NKAIN3: variants seen among roughly 807,000 people sequenced by gnomAD.
NKAIN3 encodes sodium/potassium transporting ATPase interacting 3, also known as sodium/potassium-transporting ATPase subunit beta-1-interacting protein 3.
In NKAIN3, 25 loss-of-function variants were observed where a neutral mutation model predicts 30.2. The observed-to-expected ratio is 0.83, with a 90% CI of 0.60 to 1.16. NKAIN3 has a LOEUF of 1.16. Among genes scored for constraint, NKAIN3 ranks in the 50% most tolerant of loss-of-function variants. NKAIN3 has a pLI of 0.00. For synonymous variants in NKAIN3, 91 were observed against 89.6 expected (o/e 1.02, Z -0.09); for missense variants, 225 against 254.1 (o/e 0.89, Z 0.78).
chr8:62,430,270 C>G (rs1804950587), intron 1 of NKAIN3, among the ~76,000 whole-genome samples: 1 of 151,100 alleles, frequency 6.6e-6, no homozygotes, highest in Non-Finnish European at 1.5e-5. Context: ...ACTTGGGTTG[C>G]TTTCATATTG....
At chr8:62,373,442 T>C (rs1168223234) in intron 1 of NKAIN3, among the ~76,000 whole-genome samples, 1 of 152,210 alleles carries the variant, frequency 6.6e-6, no homozygotes, top group African/African-American at 2.4e-5. Context: ...CCAATATTTT[T>C]GGATACCTTT....
At chr8:62,964,749 G>A (rs972758799) in intron 6 of NKAIN3, among the ~76,000 whole-genome samples, 10 of 151,892 alleles carry the variant, frequency 6.6e-5, no homozygotes, top group Non-Finnish European at 1.5e-4. Context: ...CATTACAGAC[G>A]GCAATCTGCT....
chr8:62,479,861 TC>T (rs1478805904), intron 1 of NKAIN3, among the ~76,000 whole-genome samples: 2 of 151,940 alleles, frequency 1.3e-5, no homozygotes, highest in African/African-American at 4.8e-5. Flanking sequence ...ATATTTCTGC[TC>T]CCCGCCTTTC....
chr8:62,564,751 A>C (rs1809696456), intron 1 of NKAIN3, among the ~76,000 whole-genome samples: 1 of 152,208 alleles, frequency 6.6e-6, no homozygotes. Context: ...TTCAGTATGT[A>C]TGTGGTAGAA....
intron 3 of NKAIN3, among the ~76,000 whole-genome samples, chr8:62,636,177 G>A (rs1678233007): frequency 6.6e-6 from 1 of 152,146 alleles, no homozygotes; most frequent in African/African-American, 2.4e-5. Context: ...CTTTGAGAAG[G>A]CCAAGTTTCC....
At chr8:62,422,673 C>T (rs62509258) in intron 1 of NKAIN3, among the ~76,000 whole-genome samples, 21,040 of 151,942 alleles carry the variant, frequency 0.14, 1,749 homozygotes, top group East Asian at 0.41. Flanking sequence ...CAAGACAGGG[C>T]TTTCACTAGC....
At chr8:62,722,793 G>A (rs1176298828) in intron 3 of NKAIN3, among the ~76,000 whole-genome samples, 1 of 152,116 alleles carries the variant, frequency 6.6e-6, no homozygotes, top group Non-Finnish European at 1.5e-5. Flanking sequence ...GACTCTAATG[G>A]AGAGTCAGGC....
At chr8:62,628,326 T>C (rs1811850630) in intron 3 of NKAIN3, among the ~76,000 whole-genome samples, 2 of 152,156 alleles carry the variant, frequency 1.3e-5, no homozygotes, top group Non-Finnish European at 1.5e-5. Context: ...CACAACAAAA[T>C]GCATTATTGA....
intron 4 of NKAIN3, among the ~76,000 whole-genome samples, chr8:62,820,539 T>C (rs998633073): frequency 6.6e-6 from 1 of 152,144 alleles, no homozygotes; most frequent in South Asian, 2.1e-4. Context: ...TGAAGCTCTA[T>C]AGGACAACCA....
intron 4 of NKAIN3, among the ~76,000 whole-genome samples, chr8:62,805,414 A>T (rs935838868): frequency 2.0e-5 from 3 of 152,122 alleles, no homozygotes; most frequent in African/African-American, 7.2e-5. Flanking sequence ...CTACAAGGCT[A>T]CAGTAACCAA....
intron 3 of NKAIN3, among the ~76,000 whole-genome samples, chr8:62,714,570 A>G (rs1814827449): frequency 6.6e-6 from 1 of 152,218 alleles, no homozygotes; most frequent in African/African-American, 2.4e-5. Flanking sequence ...TTTATAGATT[A>G]GAAAAATACC....
At chr8:62,494,708 GAATC>G (rs1033461034) in intron 1 of NKAIN3, among the ~76,000 whole-genome samples, 4 of 151,956 alleles carry the variant, frequency 2.6e-5, no homozygotes, top group Admixed American at 2.6e-4. Context: ...TTGGTTCAGG[GAATC>G]AATTTCGTTC....
At chr8:62,327,330 ATTTG>A (rs1164899141) in intron 1 of NKAIN3, among the ~76,000 whole-genome samples, 1 of 151,918 alleles carries the variant, frequency 6.6e-6, no homozygotes, top group African/African-American at 2.4e-5. Flanking sequence ...ATGAAGTGCA[ATTTG>A]TTTGTTTTTT....
At chr8:62,464,517 T>G (rs7818551) in intron 1 of NKAIN3, among the ~76,000 whole-genome samples, 5,789 of 152,264 alleles carry the variant, frequency 0.038, 357 homozygotes, top group African/African-American at 0.13. Flanking sequence ...TTTTGTTCAG[T>G]GACATTTTAT....
At chr8:62,274,414 T>C (rs997663286) in intron 1 of NKAIN3, among the ~76,000 whole-genome samples, 1 of 152,146 alleles carries the variant, frequency 6.6e-6, no homozygotes, top group African/African-American at 2.4e-5. Context: ...AATGTAACTC[T>C]TTGGGATTCT....
At chr8:62,441,590 G>T (rs1805327156) in intron 1 of NKAIN3, among the ~76,000 whole-genome samples, 1 of 151,236 alleles carries the variant, frequency 6.6e-6, no homozygotes, top group Non-Finnish European at 1.5e-5. Context: ...GTAAATTTTT[G>T]AAAATTAATC....
rs755509580 is a variant in NKAIN3, at chr8:62,978,236, C to T, written c.*12829C>T. The T allele has an allele frequency of 1.3e-5, 2 of 152,562 alleles. No homozygotes were observed. The highest frequency in any genetic ancestry group is 2.9e-5 in the Non-Finnish European group (2 of 68,318). The allele number at this position is 152,562 out of a possible 1,614,324, so 9.5% of individuals were successfully genotyped here. The stretch of plus-strand genomic sequence containing the variant: ...AGCAGTCTGTCCCTTAGCGGAGCTC[C>T]AGTGCTGTGCTAGGAGATCTGCTGC... On this transcript the variant is annotated 3_prime_UTR_variant, in exon 7 of 7. Transcript: ENST00000623646.
intron 3 of NKAIN3, among the ~76,000 whole-genome samples, chr8:62,616,968 G>A (rs891283206): frequency 1.3e-5 from 2 of 152,216 alleles, no homozygotes; most frequent in Non-Finnish European, 2.9e-5. Flanking sequence ...TCACATTGGT[G>A]ATGTCCTGAT....
At chr8:62,663,890 C>A (rs942378671) in intron 3 of NKAIN3, among the ~76,000 whole-genome samples, 8 of 152,058 alleles carry the variant, frequency 5.3e-5, no homozygotes, top group African/African-American at 1.9e-4. Context: ...TCAAACAATT[C>A]CAATGGATCT....
Sources: allele counts gnomAD v4.1 joint callset (sites outside exome capture counted in the v4.1 genomes callset), GRCh38; gene constraint gnomAD v4.1.1; transcripts MANE v1.5; gene names NCBI Gene and HGNC (gene_info 2026-07-23, HGNC 2026-07-21).